The following CNTN6 variants were observed in gnomAD, a reference collection of about 807,000 sequenced individuals.
The protein encoded by CNTN6 is contactin 6.
CNTN6 carries 137 observed loss-of-function variants against 122.8 expected under a neutral mutation model. That is an observed-to-expected ratio of 1.12 (90% CI 0.97 to 1.29). The LOEUF (loss-of-function observed/expected upper bound fraction) is 1.29. Ranked by LOEUF, CNTN6 falls within the 50% of genes most tolerant of loss-of-function variation. The pLI, the probability that CNTN6 is intolerant of heterozygous loss-of-function variation, is 0.00. For synonymous variants in CNTN6, 570 were observed against 426.0 expected, an observed-to-expected ratio of 1.34 and a Z score of -4.16; for missense variants, 1,634 against 1,223.4, an observed-to-expected ratio of 1.34 and a Z score of -5.01.
At chr3:1,397,722 T>C (rs182833493) in intron 20 of CNTN6, among the ~76,000 whole-genome samples, 5 of 152,294 alleles carry the variant, frequency 3.3e-5, no homozygotes, top group Admixed American at 1.3e-4. Context: ...AATTTGGCCC[T>C]TGACGTTGAC....
At position 1,191,858 on chromosome 3, in the gene CNTN6, A is replaced by G. The variant is rs181730692; in HGVS notation, c.56-28829A>G. Among the ~76,000 whole-genome samples, 32 of 152,318 alleles carry G rather than the reference A, an allele frequency of 2.1e-4. No homozygotes were observed. The East Asian group carries it at 3.5e-3, about 17-fold the overall frequency. ...GAACTGGAGAATTACTTGCTGTAAA[A>G]GAAAACCCCATACATGTAATGTCAA... On this transcript the variant is annotated intron_variant, in intron 2 of 22. Coordinates refer to ENST00000446702, the MANE Select transcript of CNTN6 (RefSeq NM_001289080.2).
intron 2 of CNTN6, among the ~76,000 whole-genome samples, chr3:1,189,885 A>C (rs2093677091): frequency 6.6e-6 from 1 of 152,190 alleles, no homozygotes; most frequent in South Asian, 2.1e-4. Flanking sequence ...TCAGAGTGGC[A>C]AAGCATTCTA....
chr3:1,309,709 G>C (rs970947773), intron 7 of CNTN6, among the ~76,000 whole-genome samples: 23 of 152,250 alleles, frequency 1.5e-4, no homozygotes, highest in African/African-American at 5.3e-4. Flanking sequence ...TAAATCTATT[G>C]ATCAAGTTGG....
At chr3:1,387,060 A>G (rs1576017045) in intron 20 of CNTN6, among the ~76,000 whole-genome samples, 1 of 152,152 alleles carries the variant, frequency 6.6e-6, no homozygotes, top group East Asian at 1.9e-4. Context: ...TTGACTCACA[A>G]CTTGAAATAG....
intron 11 of CNTN6, among the ~76,000 whole-genome samples, chr3:1,335,118 C>A (rs1192433637): frequency 2.0e-5 from 3 of 152,134 alleles, no homozygotes; most frequent in East Asian, 3.9e-4. Flanking sequence ...TAGCTGATAA[C>A]TTCTAGCAAG....
At chr3:1,135,016 ACCCCCAT>A (rs1276631128) in intron 1 of CNTN6, among the ~76,000 whole-genome samples, 17 of 151,908 alleles carry the variant, frequency 1.1e-4, no homozygotes, top group African/African-American at 4.1e-4. Flanking sequence ...ATGAGGTTGG[ACCCCCAT>A]GCCCCATAGC....
At position 1,147,123 on chromosome 3, in the gene CNTN6, C is replaced by A. The variant is rs146365950; in HGVS notation, c.-82-804C>A. Among the ~76,000 whole-genome samples the A allele has an allele frequency of 6.7e-3, 1,022 of 152,164 alleles. 18 individuals carry two copies. The highest frequency in any genetic ancestry group is 0.023 in the African/African-American group (945 of 41,554). Reference sequence around the variant, plus strand: ...TATCATCACACTTAAACTCCATACACTTCCAATAAATATTTAAGGTTGCAA... The same window carrying A: ...TATCATCACACTTAAACTCCATACAATTCCAATAAATATTTAAGGTTGCAA... On this transcript the variant is annotated intron_variant, in intron 1 of 22. Transcript: ENST00000446702.
chr3:1,099,467 A>G (rs1022971217), intron 1 of CNTN6, among the ~76,000 whole-genome samples: 4 of 152,056 alleles, frequency 2.6e-5, no homozygotes, highest in Admixed American at 6.5e-5. Context: ...TTAATTAATT[A>G]ATTTAAATAA....
intron 2 of CNTN6, among the ~76,000 whole-genome samples, chr3:1,189,923 T>C (rs1405576721): frequency 6.6e-6 from 1 of 152,142 alleles, no homozygotes; most frequent in Non-Finnish European, 1.5e-5. Context: ...AGTAGCAAAA[T>C]GATGATATGA....
intron 2 of CNTN6, among the ~76,000 whole-genome samples, chr3:1,165,117 A>G (rs1251367782): frequency 1.3e-5 from 2 of 152,200 alleles, no homozygotes; most frequent in African/African-American, 4.8e-5. Context: ...TTAGAGGGTC[A>G]GAGATGTTAC....
intron 2 of CNTN6, among the ~76,000 whole-genome samples, chr3:1,217,222 G>C (rs184083469): frequency 2.0e-5 from 3 of 152,286 alleles, no homozygotes; most frequent in Admixed American, 1.3e-4. Flanking sequence ...TCTGACCTGA[G>C]TGGTCTGTAA....
At chr3:1,370,570 G>T (rs978204559) in intron 12 of CNTN6, among the ~76,000 whole-genome samples, 9 of 152,108 alleles carry the variant, frequency 5.9e-5, no homozygotes, top group Non-Finnish European at 1.2e-4. Context: ...CATGCATCTG[G>T]TTAGGTGCAG....
Position 1,288,030 on chromosome 3 carries a change from A to T in CNTN6, c.455-7571A>T, listed in dbSNP as rs76791373. 7.9e-3 allele frequency among the ~76,000 whole-genome samples: 1,196 copies of T among 152,302 alleles called. 14 individuals carry two copies. Among genetic ancestry groups the T allele is most frequent in the African/African-American group, 0.027 (1,110 of 41,554 alleles). On this transcript the variant is annotated intron_variant, in intron 5 of 22. Transcript: ENST00000446702. ...CGGTCTTGAATCCCTTCCTGTGAGAAGCCAGTAACTCATGTGGCCTCCCAG... is the reference window on the plus strand; with the variant it reads ...CGGTCTTGAATCCCTTCCTGTGAGATGCCAGTAACTCATGTGGCCTCCCAG...
At position 1,311,584 on chromosome 3, in the gene CNTN6, T is replaced by A. The variant is rs1019834654; in HGVS notation, c.762-10066T>A. Among the ~76,000 whole-genome samples, 6 of 149,524 alleles carry A rather than the reference T, an allele frequency of 4.0e-5. No homozygotes were observed. The South Asian group carries it at 1.3e-3, about 32-fold the overall frequency. On this transcript the variant is annotated intron_variant, in intron 7 of 22. Coordinates refer to ENST00000446702, the MANE Select transcript of CNTN6 (RefSeq NM_001289080.2). ...AAATATCTTTATATACACATATATG[T>A]ATATATAAAGTTTGAAAAAGTCAGA...
intron 1 of CNTN6, among the ~76,000 whole-genome samples, chr3:1,122,096 C>T (rs866510137): frequency 2.0e-5 from 3 of 151,886 alleles, no homozygotes; most frequent in Admixed American, 1.3e-4. Flanking sequence ...TTTTGCAAAT[C>T]AATTACAGCA....
chr3:1,204,726 A>G lies in CNTN6; in HGVS notation c.56-15961A>G, dbSNP rs183776092. 8.5e-5 allele frequency among the ~76,000 whole-genome samples: 13 copies of G among 152,304 alleles called. No homozygotes were observed. The East Asian group carries it at 2.3e-3, about 27-fold the overall frequency. On this transcript the variant is annotated intron_variant, in intron 2 of 22. Coordinates refer to ENST00000446702, the MANE Select transcript of CNTN6 (RefSeq NM_001289080.2). ...AGAAACAAGGACTTTCTGATGATCAACATTAGTGCCTTATTGCTGTTGCTC... is the reference window on the plus strand; with the variant it reads ...AGAAACAAGGACTTTCTGATGATCAGCATTAGTGCCTTATTGCTGTTGCTC...
intron 5 of CNTN6, among the ~76,000 whole-genome samples, chr3:1,280,806 C>G (rs7627824): frequency 0.2 from 29,792 of 151,866 alleles, 3,381 homozygotes; most frequent in South Asian, 0.35. Flanking sequence ...CATCATGATT[C>G]CAAGCATATT....
intron 7 of CNTN6, among the ~76,000 whole-genome samples, chr3:1,301,816 G>A (rs17037385): frequency 0.015 from 2,337 of 152,230 alleles, 69 homozygotes; most frequent in African/African-American, 0.053. Flanking sequence ...TCAAAACAAC[G>A]AAATGTATGT....
chr3:1,332,515 GAA>G (rs1425601846), intron 11 of CNTN6, among the ~76,000 whole-genome samples: 50 of 109,996 alleles, frequency 4.5e-4, no homozygotes, highest in Non-Finnish European at 3.6e-5. Context: ...AGGAAGGAAG[GAA>G]GGAAGGAAGG....
Sources: allele counts gnomAD v4.1 joint callset (sites outside exome capture counted in the v4.1 genomes callset), GRCh38; gene constraint gnomAD v4.1.1; transcripts MANE v1.5; gene names NCBI Gene and HGNC (gene_info 2026-07-23, HGNC 2026-07-21).